The following MAMLD1 variants were observed in gnomAD, a reference collection of about 807,000 sequenced individuals.
The protein encoded by MAMLD1 is mastermind like domain containing 1.
Under a neutral mutation model 45.0 loss-of-function variants are expected in MAMLD1, and 14 were observed. The observed-to-expected ratio is 0.31, with a 90% CI of 0.21 to 0.49. MAMLD1 has a LOEUF of 0.49. MAMLD1 is among the 20% of genes least tolerant of loss of function. The probability of loss-of-function intolerance (pLI) is 0.99; values close to 1 mark genes in which losing one functional copy is unlikely to be tolerated. For synonymous variants in MAMLD1, 254 were observed against 247.8 expected (o/e 1.02, Z -0.24); for missense variants, 543 against 603.6 (o/e 0.90, Z 1.05).
At chrX:150,400,563 T>A (rs782194294) in intron 1 of MAMLD1, among the ~76,000 whole-genome samples, 1 of 112,251 alleles carries the variant, frequency 8.9e-6, no homozygotes, top group Admixed American at 9.4e-5. Flanking sequence ...CTTCCAGTAT[T>A]TGCCCATTCA....
chrX:150,479,876 C>T (rs868967928), intron 5 of MAMLD1, among the ~76,000 whole-genome samples: 3 of 112,083 alleles, frequency 2.7e-5, no homozygotes, highest in Non-Finnish European at 3.8e-5. Context: ...GGTAGACTTG[C>T]TCCATTCAGC....
chrX:150,441,149 T>C (rs2035304376), intron 1 of MAMLD1, among the ~76,000 whole-genome samples: 1 of 107,601 alleles, frequency 9.3e-6, no homozygotes. Flanking sequence ...CAAGTTAGGG[T>C]ACTTGGGGTG....
chrX:150,368,408 T>G (rs2031690538), intron 1 of MAMLD1, among the ~76,000 whole-genome samples: 1 of 92,248 alleles, frequency 1.1e-5, no homozygotes, highest in Admixed American at 1.1e-4. Flanking sequence ...GATGGGGTTG[T>G]TTTTTTTTTT....
chrX:150,458,540 A>T (rs1301406539), intron 2 of MAMLD1, among the ~76,000 whole-genome samples: 1 of 111,931 alleles, frequency 8.9e-6, no homozygotes, highest in Non-Finnish European at 1.9e-5. Context: ...CCCAGATTAT[A>T]AAAGCTTCAG....
chrX:150,464,969 A>C (rs1186444776), intron 3 of MAMLD1, among the ~76,000 whole-genome samples: 4 of 112,467 alleles, frequency 3.6e-5, no homozygotes, highest in African/African-American at 1.3e-4. Context: ...CAGACTAAAT[A>C]AACCACAGGC....
Position 150,469,641 on chromosome X carries a change from C to T in MAMLD1, c.172-104C>T, listed in dbSNP as rs1049985568. On this transcript the variant is annotated intron_variant, in intron 3 of 7. Transcript: ENST00000370401. ...TCTCTCTCTCTTTCTCTCTGTCTCT[C>T]TCTCTCTCTCTCTCTGTGTGTGTGT... The T allele has an allele frequency of 9.8e-6, 5 of 510,232 alleles. No homozygotes were observed. The East Asian group carries it at 1.8e-4, about 19-fold the overall frequency. 42.0% of individuals were successfully genotyped at this position (510,232 alleles called of 1,213,427 possible).
intron 1 of MAMLD1, among the ~76,000 whole-genome samples, chrX:150,405,411 G>T (rs1207741332): frequency 9.0e-6 from 1 of 111,358 alleles, no homozygotes; most frequent in Non-Finnish European, 1.9e-5. Context: ...AGCTGCAGGT[G>T]GATGAAGGAA....
intron 1 of MAMLD1, among the ~76,000 whole-genome samples, chrX:150,368,063 G>C (rs2031646438): frequency 9.0e-6 from 1 of 111,313 alleles, no homozygotes; most frequent in Non-Finnish European, 1.9e-5. Context: ...ATAATCCTTT[G>C]GGTATATACC....
chrX:150,435,414 C>G (rs2035090262), intron 1 of MAMLD1, among the ~76,000 whole-genome samples: 1 of 111,363 alleles, frequency 9.0e-6, no homozygotes, highest in Non-Finnish European at 1.9e-5. Flanking sequence ...ACTCGGGAGG[C>G]TGAGGCAAAG....
chrX:150,509,799 AT>A (rs1487200803), intron 6 of MAMLD1, 162 bp from the exon 7 acceptor site: 2 of 458,689 alleles, frequency 4.4e-6, no homozygotes, highest in Non-Finnish European at 3.9e-6. Context: ...TACCTGTGGA[AT>A]TTTGCTCGAG....
At position 150,412,727 on chromosome X, in the gene MAMLD1, T is replaced by C. The variant is rs112727305; in HGVS notation, c.-63-32727T>C. Among the ~76,000 whole-genome samples the C allele has an allele frequency of 2.8e-3, 311 of 109,524 alleles. 1 individual carries two copies. The highest frequency in any genetic ancestry group is 9.7e-3 in the African/African-American group (294 of 30,292). ...TTTGTTTTTTTGTTTGTTTGTTTTT[T>C]TTAATGAAACAGGGTCTCATTCTGC... is the stretch of plus-strand genomic sequence containing the variant. On this transcript the variant is annotated intron_variant, in intron 1 of 7. Coordinates refer to ENST00000370401, the MANE Select transcript of MAMLD1 (RefSeq NM_005491.5).
At chrX:150,463,714 A>G (rs1190103309) in intron 3 of MAMLD1, among the ~76,000 whole-genome samples, 1 of 111,462 alleles carries the variant, frequency 9.0e-6, no homozygotes, top group East Asian at 2.8e-4. Flanking sequence ...AGCCTGTTGA[A>G]GCCCCAGCCC....
intron 1 of MAMLD1, among the ~76,000 whole-genome samples, chrX:150,433,905 G>A (rs1359710500): frequency 1.8e-5 from 2 of 111,753 alleles, no homozygotes; most frequent in Non-Finnish European, 3.8e-5. Flanking sequence ...TTGGTATCAG[G>A]ATGATGTTGG....
intron 1 of MAMLD1, among the ~76,000 whole-genome samples, chrX:150,433,348 G>A (rs781821578): frequency 2.7e-5 from 3 of 111,680 alleles, no homozygotes; most frequent in Non-Finnish European, 5.7e-5. Flanking sequence ...GAATAATATC[G>A]TCTGCAAATG....
At chrX:150,374,681 A>G (rs910188643) in intron 1 of MAMLD1, among the ~76,000 whole-genome samples, 3 of 111,505 alleles carry the variant, frequency 2.7e-5, no homozygotes, top group Non-Finnish European at 1.9e-5. Context: ...CAGGATCTAG[A>G]CAGTTTTAGA....
At chrX:150,478,106 A>T (rs781889655) in intron 5 of MAMLD1, among the ~76,000 whole-genome samples, 2 of 112,452 alleles carry the variant, frequency 1.8e-5, no homozygotes, top group East Asian at 2.8e-4. Flanking sequence ...TCAGTAGGGC[A>T]TAACCTTTAA....
chrX:150,503,204 G>C lies in MAMLD1; in HGVS notation c.2041-70G>C, dbSNP rs2037617459. On this transcript the variant is annotated intron_variant, in intron 5 of 7. Coordinates refer to ENST00000370401, the MANE Select transcript of MAMLD1 (RefSeq NM_005491.5). ...CAGATGACCCAGCTAGACACTCAGGGCAGTGACAAGATCAGTCAGAACCAT... is the reference window on the plus strand; with the variant it reads ...CAGATGACCCAGCTAGACACTCAGGCCAGTGACAAGATCAGTCAGAACCAT... 4.2e-6 allele frequency: 4 copies of C among 963,262 alleles called. No individual in the cohort carries two copies. The Admixed American group carries it at 8.7e-5, about 21-fold the overall frequency. 79.4% of individuals were successfully genotyped at this position (963,262 alleles called of 1,213,427 possible).
intron 5 of MAMLD1, among the ~76,000 whole-genome samples, chrX:150,481,836 TA>T (rs199580189): frequency 3.0e-5 from 1 of 33,774 alleles, no homozygotes; most frequent in Non-Finnish European, 6.2e-5. Flanking sequence ...TCTCAAAAAA[TA>T]AAAAAAAAGA....
At chrX:150,489,213 A>T (rs1248263623) in intron 5 of MAMLD1, among the ~76,000 whole-genome samples, 1 of 111,510 alleles carries the variant, frequency 9.0e-6, no homozygotes, top group Non-Finnish European at 1.9e-5. Flanking sequence ...GGCTGCTATG[A>T]CAAAATACCA....
Sources: gnomAD v4.1 joint callset for allele counts (sites outside exome capture counted in the v4.1 genomes callset) on GRCh38, gnomAD v4.1.1 for gene constraint, MANE v1.5 for transcripts, NCBI Gene and HGNC (gene_info 2026-07-23, HGNC 2026-07-21) for gene names.